The following GNL2 variants were observed in gnomAD, a reference collection of about 807,000 sequenced individuals.
GNL2 encodes the protein G protein nucleolar 2, also known as nucleolar GTP-binding protein 2.
GNL2 carries 51 observed loss-of-function variants against 92.3 expected under a neutral mutation model. The observed-to-expected ratio is 0.55, with a 90% confidence interval of 0.44 to 0.70. GNL2 has a LOEUF of 0.70. Ranked by LOEUF, GNL2 falls within the 30% of genes least tolerant of loss-of-function variation. The pLI, the probability that GNL2 is intolerant of heterozygous loss-of-function variation, is 0.00. For synonymous variants in GNL2, 283 were observed against 300.6 expected, an observed-to-expected ratio of 0.94 and a Z score of 0.61; for missense variants, 844 against 895.6, an observed-to-expected ratio of 0.94 and a Z score of 0.74.
chr1:37,569,427 A>T (rs2148127565), intron 12 of GNL2, 125 bp from the exon 13 acceptor site: 1 of 631,194 alleles, frequency 1.6e-6, no homozygotes, highest in East Asian at 2.7e-5. Flanking sequence ...GAAAACACCC[A>T]AATTTGAGTC....
At chr1:37,586,664 A>G (rs1643854561) in intron 5 of GNL2, among the ~76,000 whole-genome samples, 1 of 152,210 alleles carries the variant, frequency 6.6e-6, no homozygotes, top group South Asian at 2.1e-4. Flanking sequence ...AATATCAGCA[A>G]TGGGATCATG....
chr1:37,575,017 G>A lies in GNL2; in HGVS notation c.1144-194C>T, dbSNP rs1023972859. ...ACTGCTGAAAGCTGACCATAGCCAC[G>A]GAGCCCAGAACTCAGCTTTAATCCC... On this transcript the variant is annotated intron_variant, in intron 10 of 15. Coordinates refer to ENST00000373062, the MANE Select transcript of GNL2 (RefSeq NM_013285.3). The surrounding 1 kb of genome is among the most constrained non-coding windows in gnomAD (Gnocchi z 4.1). Among the ~76,000 whole-genome samples, 2 of 152,168 alleles carry A rather than the reference G, an allele frequency of 1.3e-5. No homozygotes were observed. Among genetic ancestry groups the A allele is most frequent in the African/African-American group, 2.4e-5 (1 of 41,444 alleles).
intron 8 of GNL2, 37 bp downstream of exon 8, chr1:37,582,186 T>C (rs1382078427): frequency 7.3e-7 from 1 of 1,360,548 alleles, no homozygotes; most frequent in Non-Finnish European, 1.0e-6. Context: ...AACTCACAGC[T>C]ACACAACTCC....
At chr1:37,570,671 A>C (rs7553487) in intron 12 of GNL2, 8,616 of 152,312 alleles carry the variant, frequency 0.057, 313 homozygotes, top group Non-Finnish European at 0.077. Context: ...GCCTCCAGAA[A>C]CATGAGCCAA....
intron 14 of GNL2, chr1:37,568,006 C>G (rs188906397): frequency 3.9e-5 from 23 of 590,408 alleles, no homozygotes; most frequent in Admixed American, 1.5e-4. Flanking sequence ...AACACACCCC[C>G]CTCTTTGTCT....
intron 5 of GNL2, among the ~76,000 whole-genome samples, chr1:37,586,127 T>C (rs1643847025): frequency 6.6e-6 from 1 of 152,288 alleles, no homozygotes; most frequent in African/African-American, 2.4e-5. Context: ...AACAAAATAC[T>C]ACTCTGACAA....
intron 14 of GNL2, chr1:37,568,006 C>T (rs188906397): frequency 1.7e-5 from 10 of 590,290 alleles, no homozygotes; most frequent in Admixed American, 1.2e-4. Context: ...AACACACCCC[C>T]CTCTTTGTCT....
intron 4 of GNL2, among the ~76,000 whole-genome samples, chr1:37,589,490 G>C (rs1222711253): frequency 6.6e-6 from 1 of 152,040 alleles, no homozygotes; most frequent in Non-Finnish European, 1.5e-5. Flanking sequence ...TGTATTTTTA[G>C]TAGAGACGGG....
chr1:37,581,007 ACAAC>A (rs1459732566), intron 8 of GNL2, among the ~76,000 whole-genome samples: 1 of 151,928 alleles, frequency 6.6e-6, no homozygotes, highest in Non-Finnish European at 1.5e-5. Flanking sequence ...AACAACAACA[ACAAC>A]CAACCAACAC....
chr1:37,586,156 T>C (rs138561919), intron 5 of GNL2, among the ~76,000 whole-genome samples: 247 of 152,334 alleles, frequency 1.6e-3, no homozygotes, highest in African/African-American at 5.7e-3. Context: ...ATATTATTGT[T>C]GATTATGTAC....
rs1487948052 is a variant in GNL2, at chr1:37,574,421, C to T, written c.1338G>A (p.Met446Ile). 1 of 1,613,944 alleles carries T rather than the reference C, an allele frequency of 6.2e-7. No homozygotes were observed. The highest frequency in any genetic ancestry group is 1.7e-5 in the Admixed American group (1 of 59,994). Reference sequence around the variant, plus strand: ...GGCCCCTCTGCCAGTCATTGAGGACCATCTTACCCACAGTCTGCAAGTCGG... The same window carrying T: ...GGCCCCTCTGCCAGTCATTGAGGACTATCTTACCCACAGTCTGCAAGTCGG... ...GEPDLQTVGK[M>I]VLNDWQRGRI... The change falls in exon 12 of 16, where the codon ATG (methionine) becomes ATA (isoleucine). Residue 446 changes from methionine (M) to isoleucine (I), a missense_variant. Met to Ile is a conservative substitution (Grantham distance 10, BLOSUM62 1). Transcript: ENST00000373062.
In GNL2 at chr1:37,569,263, C is replaced by A; in HGVS notation, c.1456G>T (p.Ala486Ser). The part of the protein sequence containing the change: ...SSSLEVVPEA[A>S]QNNPGEEVTE... ...ACTTCCTCCCCTGGATTGTTCTGGG[C>A]TGCTTCTGGGACAACTTCCAAAGAT... is the stretch of plus-strand genomic sequence containing the variant. The change falls in exon 13 of 16, where the codon GCC (alanine) becomes TCC (serine). Residue 486 changes from alanine (A) to serine (S), a missense_variant. Coordinates refer to ENST00000373062, the MANE Select transcript of GNL2 (RefSeq NM_013285.3). 1 of 1,612,798 alleles carries A rather than the reference C, an allele frequency of 6.2e-7. No homozygotes were observed. The highest frequency in any genetic ancestry group is 8.5e-7 in the Non-Finnish European group (1 of 1,179,906).
At chr1:37,583,679 A>T (rs1013253300) in intron 6 of GNL2, among the ~76,000 whole-genome samples, 188 bp downstream of exon 6, 1 of 152,238 alleles carries the variant, frequency 6.6e-6, no homozygotes, top group South Asian at 2.1e-4. Context: ...CAAGTACTTT[A>T]AAAAATGCAG....
intron 8 of GNL2, among the ~76,000 whole-genome samples, chr1:37,579,228 T>C (rs1166734319): frequency 6.6e-6 from 1 of 152,120 alleles, no homozygotes; most frequent in South Asian, 2.1e-4. Flanking sequence ...AAAATAAATT[T>C]TGTGACTGGG....
At chr1:37,570,849 T>C (rs774886589) in intron 12 of GNL2, 1 of 152,220 alleles carries the variant, frequency 6.6e-6, no homozygotes, top group Non-Finnish European at 1.5e-5. Flanking sequence ...CTGAAATGAC[T>C]GGCCTGTTTT....
intron 4 of GNL2, among the ~76,000 whole-genome samples, chr1:37,590,356 C>T (rs1331530660): frequency 6.6e-6 from 1 of 152,228 alleles, no homozygotes; most frequent in Non-Finnish European, 1.5e-5. Flanking sequence ...GATCCGCCTG[C>T]CTGAGCCTCC....
chr1:37,578,903 A>G (rs1453382648), intron 8 of GNL2, among the ~76,000 whole-genome samples: 4 of 152,170 alleles, frequency 2.6e-5, no homozygotes, highest in African/African-American at 9.7e-5. Flanking sequence ...AAGAATAAAC[A>G]TTTAAGTTGA....
At chr1:37,591,647 A>G (rs1426982355) in intron 3 of GNL2, among the ~76,000 whole-genome samples, 1 of 151,778 alleles carries the variant, frequency 6.6e-6, no homozygotes, top group African/African-American at 2.4e-5. Context: ...CTGGGATTAC[A>G]GGTGCCCACC....
intron 12 of GNL2, chr1:37,569,894 T>C (rs906718347): frequency 2.0e-5 from 3 of 152,416 alleles, no homozygotes; most frequent in African/African-American, 7.2e-5. Context: ...CTATGATGAA[T>C]TAAGTCTCAC....
Sources: allele counts gnomAD v4.1 joint callset (sites outside exome capture counted in the v4.1 genomes callset), GRCh38; gene constraint gnomAD v4.1.1; non-coding constraint Gnocchi (gnomAD v3.1); transcripts MANE v1.5; gene names NCBI Gene and HGNC (gene_info 2026-07-23, HGNC 2026-07-21).